C3orf20: variants seen among roughly 807,000 people sequenced by gnomAD.
C3orf20 encodes the protein uncharacterized protein C3orf20.
Under a neutral mutation model 88.3 loss-of-function variants are expected in C3orf20, and 76 were observed. That is an observed-to-expected ratio of 0.86 (90% CI 0.72 to 1.04). The LOEUF is 1.04. C3orf20 is among the 50% of genes least tolerant of loss of function. C3orf20 has a pLI of 0.00. For missense variants in C3orf20, 1,056 were observed against 1,123.3 expected (o/e 0.94, Z 0.86); for synonymous variants, 436 against 437.4 (o/e 1.00, Z 0.04).
At chr3:14,742,598 T>C (rs565279702) in intron 12 of C3orf20, among the ~76,000 whole-genome samples, 1 of 152,328 alleles carries the variant, frequency 6.6e-6, no homozygotes, top group Non-Finnish European at 1.5e-5. Context: ...TAGGAGAAGA[T>C]TTTCTTGTCT....
chr3:14,680,203 G>A (rs762054579), intron 1 of C3orf20, among the ~76,000 whole-genome samples: 1 of 152,170 alleles, frequency 6.6e-6, no homozygotes, highest in Non-Finnish European at 1.5e-5. Context: ...GCTTATGTAT[G>A]CATATTCATA....
At chr3:14,675,751 G>A (rs374859585) in intron 1 of C3orf20, among the ~76,000 whole-genome samples, 2 of 151,746 alleles carry the variant, frequency 1.3e-5, no homozygotes, top group Non-Finnish European at 2.9e-5. Flanking sequence ...GCCTAGGCTG[G>A]AGTGCAGTGG....
rs757171157 is a variant in C3orf20 at position 14,690,151 on chromosome 3, G to A, written c.745+35G>A. On this transcript the variant is annotated intron_variant, in intron 5 of 16. Coordinates refer to ENST00000253697, the MANE Select transcript of C3orf20 (RefSeq NM_032137.5). ...GTTCCTCGTGGCCTACCATTCATTG[G>A]TGGTGGCGGTGGGGTGGGGGATAGG... is the stretch of plus-strand genomic sequence containing the variant. The A allele has an allele frequency of 1.7e-5, 28 of 1,613,048 alleles. 2 individuals are homozygous for A. In the South Asian group the frequency reaches 1.9e-4, roughly 11 times the overall value.
rs533683700 is a variant in C3orf20 at position 14,769,980 on chromosome 3, C to G, written c.2496-2087C>G. ...AGGTGAGGGGGACCATGCTTCTTTC[C>G]GAGCCTTTTCCCCTGCACTCCTCAA... On this transcript the variant is annotated intron_variant, in intron 15 of 16. Coordinates refer to ENST00000253697, the MANE Select transcript of C3orf20 (RefSeq NM_032137.5). Among the ~76,000 whole-genome samples, 5 of 152,192 alleles carry G rather than the reference C, an allele frequency of 3.3e-5. No homozygotes were observed. The East Asian group carries it at 9.7e-4, about 29-fold the overall frequency.
At chr3:14,685,923 A>G (rs1299476475) in intron 4 of C3orf20, among the ~76,000 whole-genome samples, 1 of 133,410 alleles carries the variant, frequency 7.5e-6, no homozygotes, top group Non-Finnish European at 1.5e-5. Context: ...GTGCAGTGGC[A>G]CGATCTTGGC....
chr3:14,715,346 C>A lies in C3orf20; in HGVS notation c.1371C>A (p.Gly457=), dbSNP rs2033899031. 6.2e-7 allele frequency: 1 copy of A among 1,612,576 alleles called. No individual in the cohort carries two copies. Among genetic ancestry groups the A allele is most frequent in the South Asian group, 1.1e-5 (1 of 90,978 alleles). The change falls in exon 9 of 17, where the codon GGC becomes GGA. Residue 457 remains glycine (G), a synonymous_variant. Coordinates refer to ENST00000253697, the MANE Select transcript of C3orf20 (RefSeq NM_032137.5). ...EEGGTTNDQQ[G]YVVHKWSWTS... is the part of the protein sequence containing the mutation. Reference sequence around the variant, plus strand: ...GTGGGACCACCAATGACCAGCAGGGCTATGTAGTCCACAAGTGGAGCTGGA... The same window carrying A: ...GTGGGACCACCAATGACCAGCAGGGATATGTAGTCCACAAGTGGAGCTGGA...
intron 15 of C3orf20, among the ~76,000 whole-genome samples, chr3:14,770,824 C>T (rs2035841350): frequency 1.3e-5 from 2 of 152,234 alleles, no homozygotes; most frequent in Admixed American, 6.5e-5. Flanking sequence ...GACTTCGGGG[C>T]CCTTGTCAGG....
chr3:14,683,005 CCACCACCAG>C lies in C3orf20; in HGVS notation c.301_309del (p.Ala101_Pro103del). 1 of 1,613,464 alleles carries C rather than the reference CCACCACCAG, an allele frequency of 6.2e-7. No homozygotes were observed. Among genetic ancestry groups the C allele is most frequent in the Non-Finnish European group, 8.5e-7 (1 of 1,179,684 alleles). On this transcript the variant is annotated inframe_deletion, in exon 3 of 17. Coordinates refer to ENST00000253697, the MANE Select transcript of C3orf20 (RefSeq NM_032137.5). ...CACACTGAAGAAGCCACTACCTCCA[CCACCACCAG>C]CACCACCACGTCCAGTGCTGCTGGC...
Position 14,684,408 on chromosome 3 carries a change from G to A in C3orf20, c.625+26G>A, listed in dbSNP as rs200746191. ...GTGGGTACCTGAGCTTCAACCCTTA[G>A]GTAAGAAGTGCAAACAATATCAGCA... is the stretch of plus-strand genomic sequence containing the variant. On this transcript the variant is annotated intron_variant, in intron 4 of 16. Transcript: ENST00000253697. The A allele has an allele frequency of 2.5e-5, 41 of 1,607,880 alleles. No homozygotes were observed. In the East Asian group the frequency reaches 9.2e-4, roughly 36 times the overall value.
chr3:14,715,239 G>C (rs1323090939), intron 8 of C3orf20, 50 bp from the exon 9 acceptor site: 5 of 1,593,056 alleles, frequency 3.1e-6, no homozygotes, highest in Admixed American at 1.7e-5. Flanking sequence ...GGTGATGAGA[G>C]CTTCCTTCAG....
intron 12 of C3orf20, among the ~76,000 whole-genome samples, chr3:14,735,557 A>C (rs978210985): frequency 2.0e-5 from 3 of 151,558 alleles, no homozygotes; most frequent in African/African-American, 7.3e-5. Flanking sequence ...TTTTAATTCT[A>C]TATATATGTT....
chr3:14,762,250 G>T (rs546718612), intron 15 of C3orf20, among the ~76,000 whole-genome samples: 1 of 152,230 alleles, frequency 6.6e-6, no homozygotes, highest in Non-Finnish European at 1.5e-5. Flanking sequence ...AGCAGGAAAT[G>T]CTGGCTTAAG....
chr3:14,739,875 T>C (rs1156702439), intron 12 of C3orf20, among the ~76,000 whole-genome samples: 1 of 152,222 alleles, frequency 6.6e-6, no homozygotes, highest in Non-Finnish European at 1.5e-5. Flanking sequence ...CTTTGTGGCT[T>C]CCTCATCTCT....
chr3:14,715,874 T>G (rs2033921831), intron 9 of C3orf20, among the ~76,000 whole-genome samples: 1 of 149,524 alleles, frequency 6.7e-6, no homozygotes, highest in African/African-American at 2.4e-5. Flanking sequence ...GACTGATAGA[T>G]AGAAACTCTT....
intron 12 of C3orf20, among the ~76,000 whole-genome samples, chr3:14,756,242 A>G (rs1442041290): frequency 6.6e-6 from 1 of 151,504 alleles, no homozygotes; most frequent in African/African-American, 2.4e-5. Flanking sequence ...TCATAGCAGC[A>G]CTTTCTATTT....
intron 8 of C3orf20, 100 bp downstream of exon 8, chr3:14,714,259 C>A: frequency 7.5e-7 from 1 of 1,333,162 alleles, no homozygotes; most frequent in Admixed American, 2.0e-5. Context: ...AAAGAAGAAG[C>A]CAGGCGGTGT....
At chr3:14,684,846 T>A (rs1393306590) in intron 4 of C3orf20, among the ~76,000 whole-genome samples, 1 of 152,162 alleles carries the variant, frequency 6.6e-6, no homozygotes, top group Non-Finnish European at 1.5e-5. Flanking sequence ...ACTCGAGTCA[T>A]ACAGCCCGAG....
Position 14,764,501 on chromosome 3 carries a change from A to ATTGTTG in C3orf20, c.2495+2888_2495+2889insGTTGTT, listed in dbSNP as rs1163714149. Among the ~76,000 whole-genome samples, 73 of 148,356 alleles carry ATTGTTG rather than the reference A, an allele frequency of 4.9e-4. 1 individual carries two copies. The highest frequency in any genetic ancestry group is 1.8e-3 in the African/African-American group (71 of 38,478). On this transcript the variant is annotated intron_variant, in intron 15 of 16. Coordinates refer to ENST00000253697, the MANE Select transcript of C3orf20 (RefSeq NM_032137.5). Reference sequence around the variant, plus strand: ...ATCGTTTATTATTATTATTATTATTATTATTATTGTTGTTGTTGTTGTTGT... The same window carrying ATTGTTG: ...ATCGTTTATTATTATTATTATTATTATTGTTGTTATTATTGTTGTTGTTGTTGTTGT...
At chr3:14,743,262 A>C (rs1389583904) in intron 12 of C3orf20, among the ~76,000 whole-genome samples, 1 of 151,964 alleles carries the variant, frequency 6.6e-6, no homozygotes, top group Non-Finnish European at 1.5e-5. Flanking sequence ...TGGCCAAAAC[A>C]AAGGGGTTAC....
Sources: gnomAD v4.1 joint callset for allele counts (sites outside exome capture counted in the v4.1 genomes callset) on GRCh38, gnomAD v4.1.1 for gene constraint, MANE v1.5 for transcripts, NCBI Gene and HGNC (gene_info 2026-07-23, HGNC 2026-07-21) for gene names.